Variants in GABBR2 observed in about 807,000 individuals in gnomAD.
GABBR2 encodes the protein G-protein coupled receptor 51.
Under a neutral mutation model 105.6 loss-of-function variants are expected in GABBR2, and 23 were observed. The ratio of observed to expected loss-of-function variants is 0.22; its 90% CI spans 0.16 to 0.31. GABBR2 has a LOEUF of 0.31. Ranked by LOEUF, GABBR2 falls within the 10% of genes least tolerant of loss-of-function variation. The pLI is 1.00. For synonymous variants in GABBR2, 478 were observed against 499.7 expected, an observed-to-expected ratio of 0.96 and a Z score of 0.58; for missense variants, 734 against 1,245.5, an observed-to-expected ratio of 0.59 and a Z score of 6.18.
intron 4 of GABBR2, among the ~76,000 whole-genome samples, chr9:98,483,544 A>G (rs925427014): frequency 3.9e-5 from 6 of 152,180 alleles, no homozygotes; most frequent in African/African-American, 1.4e-4. Context: ...GTCTTTACCA[A>G]CTGACTTGTG....
intron 13 of GABBR2, among the ~76,000 whole-genome samples, chr9:98,327,990 C>T (rs936495816): frequency 1.8e-5 from 2 of 109,814 alleles, no homozygotes; most frequent in African/African-American, 3.3e-5. Context: ...AACTTCAGAC[C>T]GTATGATCTT....
intron 13 of GABBR2, among the ~76,000 whole-genome samples, chr9:98,357,973 C>T (rs191627579): frequency 7.2e-5 from 11 of 152,320 alleles, no homozygotes; most frequent in Non-Finnish European, 1.3e-4. Context: ...GGTATTCATG[C>T]GTGACTTGCT....
At chr9:98,313,855 C>T (rs1367819906) in intron 13 of GABBR2, among the ~76,000 whole-genome samples, 3 of 152,102 alleles carry the variant, frequency 2.0e-5, no homozygotes, top group South Asian at 2.1e-4. Context: ...CCAGGTGTGA[C>T]CTTTGAAGCA....
chr9:98,541,983 G>A lies in GABBR2; in HGVS notation c.520C>T (p.Arg174Trp), dbSNP rs1828312203. ...ADKKKYPYFF[R>W]TVPSDNAVNP... The stretch of plus-strand genomic sequence containing the variant: ...ACCGCATTGTCTGATGGGACGGTCC[G>A]AAAGAAATAAGGGTATTTTTTCTTA... Residue 174 changes from arginine (R) to tryptophan (W), a missense_variant, in exon 3 of 19, where the codon CGG (arginine) becomes TGG (tryptophan). Physicochemically the swap from Arg to Trp is moderately radical, Grantham distance 101 (BLOSUM62 -3). Coordinates refer to ENST00000259455, the MANE Select transcript of GABBR2 (RefSeq NM_005458.8). 1.2e-6 allele frequency: 2 copies of A among 1,614,056 alleles called. No homozygotes were observed. Among genetic ancestry groups the A allele is most frequent in the Non-Finnish European group, 1.7e-6 (2 of 1,179,904 alleles).
intron 1 of GABBR2, among the ~76,000 whole-genome samples, chr9:98,656,753 A>G (rs1243843900): frequency 6.6e-6 from 1 of 152,224 alleles, no homozygotes; most frequent in Non-Finnish European, 1.5e-5. Flanking sequence ...ATCAGAGGAC[A>G]GCCACATTTC....
intron 1 of GABBR2, among the ~76,000 whole-genome samples, chr9:98,680,345 A>G (rs750899410): frequency 2.6e-5 from 4 of 152,078 alleles, no homozygotes; most frequent in Admixed American, 2.6e-4. Flanking sequence ...TCGCTCTGTC[A>G]TCCAGGCTGG....
At chr9:98,617,714 G>A (rs1829607100) in intron 1 of GABBR2, among the ~76,000 whole-genome samples, 2 of 152,146 alleles carry the variant, frequency 1.3e-5, no homozygotes, top group African/African-American at 4.8e-5. Flanking sequence ...AGTGAATGCA[G>A]GAGACCTAGG....
rs568496844 is a variant in GABBR2 at position 98,617,310 on chromosome 9, G to A, written c.322-39238C>T. Among the ~76,000 whole-genome samples the A allele has an allele frequency of 2.6e-4, 40 of 152,254 alleles. 1 individual carries two copies. The South Asian group carries it at 7.9e-3, about 30-fold the overall frequency. On this transcript the variant is annotated intron_variant, in intron 1 of 18. Coordinates refer to ENST00000259455, the MANE Select transcript of GABBR2 (RefSeq NM_005458.8). Reference sequence around the variant, plus strand: ...CCCAAAGGAGGTGAGGATCTGGAGGGGTGAGGAAATGGGGCCCAGAGAAAG... The same window carrying A: ...CCCAAAGGAGGTGAGGATCTGGAGGAGTGAGGAAATGGGGCCCAGAGAAAG...
At chr9:98,673,843 T>C (rs1287857445) in intron 1 of GABBR2, among the ~76,000 whole-genome samples, 1 of 152,188 alleles carries the variant, frequency 6.6e-6, no homozygotes, top group East Asian at 1.9e-4. Context: ...CTACGCTCAC[T>C]GCTAACACTT....
chr9:98,303,177 C>T (rs1830496343), intron 16 of GABBR2, 64 bp downstream of exon 16: 8 of 1,381,368 alleles, frequency 5.8e-6, no homozygotes, highest in East Asian at 2.3e-5. Flanking sequence ...TGAGAGTCCC[C>T]GCACAGGGTT....
At chr9:98,410,821 A>C (rs1248799379) in intron 7 of GABBR2, among the ~76,000 whole-genome samples, 1 of 152,100 alleles carries the variant, frequency 6.6e-6, no homozygotes, top group African/African-American at 2.4e-5. Context: ...AGAAAACAAA[A>C]ACCACTTCAG....
At chr9:98,521,315 T>G (rs1289876244) in intron 3 of GABBR2, among the ~76,000 whole-genome samples, 1 of 152,140 alleles carries the variant, frequency 6.6e-6, no homozygotes, top group East Asian at 1.9e-4. Flanking sequence ...AGTAGTGCGG[T>G]GCTGCAGGGA....
chr9:98,625,049 A>C (rs1829716242), intron 1 of GABBR2, among the ~76,000 whole-genome samples: 1 of 152,134 alleles, frequency 6.6e-6, no homozygotes, highest in South Asian at 2.1e-4. Flanking sequence ...TACACTCAGG[A>C]AGCACAGCCC....
intron 4 of GABBR2, among the ~76,000 whole-genome samples, chr9:98,489,281 GA>G (rs1396575435): frequency 6.6e-6 from 1 of 152,208 alleles, no homozygotes; most frequent in Non-Finnish European, 1.5e-5. Context: ...TGTTGAAGCA[GA>G]AGCGTTGGAT....
intron 1 of GABBR2, among the ~76,000 whole-genome samples, chr9:98,651,043 A>G (rs1483909498): frequency 1.3e-5 from 2 of 152,110 alleles, no homozygotes; most frequent in Non-Finnish European, 2.9e-5. Flanking sequence ...ATGCCACTGA[A>G]CTGTACACTT....
intron 11 of GABBR2, among the ~76,000 whole-genome samples, chr9:98,380,642 A>G (rs1831956701): frequency 6.6e-6 from 1 of 152,230 alleles, no homozygotes. Context: ...AGCACGGGGT[A>G]TAGCTGGAGC....
chr9:98,378,434 G>A (rs1831916175), intron 11 of GABBR2, among the ~76,000 whole-genome samples: 1 of 152,212 alleles, frequency 6.6e-6, no homozygotes, highest in Non-Finnish European at 1.5e-5. Flanking sequence ...TCCAGCCCAG[G>A]AGCTCCTTCC....
chr9:98,368,105 C>T (rs536205606), intron 12 of GABBR2, among the ~76,000 whole-genome samples: 74 of 152,022 alleles, frequency 4.9e-4, no homozygotes, highest in Middle Eastern at 3.4e-3. Flanking sequence ...TCATTTCCCC[C>T]GCTGGTCCTG....
chr9:98,528,642 A>C (rs944221781), intron 3 of GABBR2, among the ~76,000 whole-genome samples: 1 of 152,196 alleles, frequency 6.6e-6, no homozygotes, highest in Non-Finnish European at 1.5e-5. Context: ...TAATGGGAAA[A>C]AGTGCCAACA....
Sources: allele counts gnomAD v4.1 joint callset (sites outside exome capture counted in the v4.1 genomes callset), GRCh38; gene constraint gnomAD v4.1.1; transcripts MANE v1.5; gene names NCBI Gene and HGNC (gene_info 2026-07-23, HGNC 2026-07-21).